Variants in PSMG2 observed in about 807,000 individuals in gnomAD.
The protein encoded by PSMG2 is proteasome assembly chaperone 2.
A neutral mutation model predicts 31.5 loss-of-function variants in PSMG2; 21 were observed. The ratio of observed to expected loss-of-function variants is 0.67; its 90% CI spans 0.47 to 0.96. PSMG2 has a LOEUF of 0.96. Ranked by LOEUF, PSMG2 falls within the 40% of genes least tolerant of loss-of-function variation. The probability of loss-of-function intolerance (pLI) is 0.00; values close to 1 mark genes in which losing one functional copy is unlikely to be tolerated. For synonymous variants in PSMG2, 120 were observed against 110.4 expected, an observed-to-expected ratio of 1.09 and a Z score of -0.54; for missense variants, 318 against 321.2, an observed-to-expected ratio of 0.99 and a Z score of 0.08.
chr18:12,723,077 T>TA (rs2040445518), intron 5 of PSMG2, among the ~76,000 whole-genome samples: 1 of 152,256 alleles, frequency 6.6e-6, no homozygotes, highest in Non-Finnish European at 1.5e-5. Context: ...TTGTAGTTTT[T>TA]AGAGACAGAA....
At chr18:12,659,697 G>A (rs920809510) in intron 1 of PSMG2, among the ~76,000 whole-genome samples, 10 of 151,828 alleles carry the variant, frequency 6.6e-5, no homozygotes, top group Non-Finnish European at 1.2e-4. Flanking sequence ...ATTGAAAGAG[G>A]AGAAGAAAGC....
At chr18:12,712,580 A>G (rs1268363930) in intron 2 of PSMG2, 122 bp from the exon 3 acceptor site, 4 of 698,050 alleles carry the variant, frequency 5.7e-6, no homozygotes, top group Non-Finnish European at 9.6e-6. Context: ...TATGTTCCGT[A>G]TTTTAATTAT....
At chr18:12,666,075 G>T (rs906535648) in intron 1 of PSMG2, among the ~76,000 whole-genome samples, 1 of 151,500 alleles carries the variant, frequency 6.6e-6, no homozygotes, top group Non-Finnish European at 1.5e-5. Flanking sequence ...CCAGCATCTT[G>T]GGAGACTGAG....
At chr18:12,703,680 C>T (rs935168992) in intron 1 of PSMG2, among the ~76,000 whole-genome samples, 1 of 152,126 alleles carries the variant, frequency 6.6e-6, no homozygotes, top group Non-Finnish European at 1.5e-5. Context: ...AAAGAATTTA[C>T]ACTGTAGTTG....
chr18:12,689,175 G>A (rs546966174), intron 1 of PSMG2, among the ~76,000 whole-genome samples: 1 of 152,058 alleles, frequency 6.6e-6, no homozygotes, highest in Non-Finnish European at 1.5e-5. Flanking sequence ...AATTTTTTTG[G>A]CCTGGATATG....
chr18:12,704,565 G>A (rs1375187101), intron 1 of PSMG2, among the ~76,000 whole-genome samples: 4 of 152,162 alleles, frequency 2.6e-5, no homozygotes, highest in Admixed American at 2.0e-4. Flanking sequence ...CTCCAGCCTG[G>A]GCGACAGAGT....
chr18:12,711,725 A>G (rs971244741), intron 2 of PSMG2, among the ~76,000 whole-genome samples: 2 of 140,486 alleles, frequency 1.4e-5, no homozygotes, highest in African/African-American at 5.3e-5. Context: ...AGAGTATTTT[A>G]TCCCTGACTC....
chr18:12,718,244 G>A (rs984723558), intron 3 of PSMG2, among the ~76,000 whole-genome samples: 1 of 151,760 alleles, frequency 6.6e-6, no homozygotes, highest in African/African-American at 2.4e-5. Flanking sequence ...CTTGACCTCA[G>A]GTGATCCGCC....
intron 1 of PSMG2, chr18:12,680,766 G>A (rs752981888): frequency 6.2e-7 from 1 of 1,613,776 alleles, no homozygotes; most frequent in South Asian, 1.1e-5. Flanking sequence ...CACAAACAAA[G>A]GCTTCTAATC....
At chr18:12,678,118 T>C (rs986592194) in intron 1 of PSMG2, 5 of 1,610,186 alleles carry the variant, frequency 3.1e-6, no homozygotes, top group Non-Finnish European at 4.2e-6. Context: ...CCTTCCTGTG[T>C]TCTGACACCA....
intron 3 of PSMG2, among the ~76,000 whole-genome samples, chr18:12,716,613 C>G (rs2040379294): frequency 6.6e-6 from 1 of 152,034 alleles, no homozygotes; most frequent in Non-Finnish European, 1.5e-5. Flanking sequence ...CCAGGATGGT[C>G]TCGATCTCCT....
chr18:12,702,320 C>T (rs1019644010), upstream of PSMG2: 2 of 567,590 alleles, frequency 3.5e-6, no homozygotes, highest in Non-Finnish European at 6.2e-6. Flanking sequence ...GAGACGAGGA[C>T]GCTCTCCTGC....
intron 1 of PSMG2, chr18:12,672,584 T>C: frequency 1.1e-6 from 1 of 873,008 alleles, no homozygotes; most frequent in Non-Finnish European, 1.4e-6. Context: ...GAAGATAGAA[T>C]CCATGAAGAG....
At chr18:12,661,232 C>T (rs541216087) in intron 1 of PSMG2, 4 of 233,724 alleles carry the variant, frequency 1.7e-5, no homozygotes, top group African/African-American at 9.3e-5. Context: ...CACTTGAACC[C>T]GGGAGGCGGA....
At chr18:12,692,673 T>G (rs976252589) in intron 1 of PSMG2, among the ~76,000 whole-genome samples, 3 of 152,352 alleles carry the variant, frequency 2.0e-5, no homozygotes, top group Admixed American at 6.5e-5. Context: ...TTATTTTGTT[T>G]GCTGACTTAT....
intron 3 of PSMG2, among the ~76,000 whole-genome samples, 154 bp from the exon 4 acceptor site, chr18:12,718,363 G>A (rs572912204): frequency 6.7e-4 from 102 of 151,948 alleles, no homozygotes; most frequent in African/African-American, 2.4e-3. Context: ...ATTCACTTTC[G>A]GTTTAAGCAC....
upstream of PSMG2, chr18:12,698,728 G>A (rs1426108066): frequency 2.1e-6 from 1 of 468,182 alleles, no homozygotes; most frequent in Non-Finnish European, 3.8e-6. Context: ...GCACATAATA[G>A]GTATTTAAGT....
intron 1 of PSMG2, among the ~76,000 whole-genome samples, chr18:12,662,763 T>C (rs752433515): frequency 2.0e-5 from 3 of 151,948 alleles, no homozygotes; most frequent in Non-Finnish European, 4.4e-5. Context: ...GGCGATAGAG[T>C]GAGACCTTGT....
intron 1 of PSMG2, among the ~76,000 whole-genome samples, chr18:12,696,756 G>A (rs966648044): frequency 2.6e-5 from 4 of 152,090 alleles, no homozygotes; most frequent in Non-Finnish European, 5.9e-5. Flanking sequence ...TACTAACACT[G>A]AGCAAATTAT....
Sources: gnomAD v4.1 joint callset for allele counts (sites outside exome capture counted in the v4.1 genomes callset) on GRCh38, gnomAD v4.1.1 for gene constraint, MANE v1.5 for transcripts, NCBI Gene and HGNC (gene_info 2026-07-23, HGNC 2026-07-21) for gene names.